OR10Z1: variants seen among roughly 807,000 people sequenced by gnomAD.
OR10Z1 encodes the protein olfactory receptor family 10 subfamily Z member 1.
For synonymous variants in OR10Z1, 187 were observed against 151.2 expected (o/e 1.24, Z -1.74); for missense variants, 468 against 371.0 (o/e 1.26, Z -2.15).
rs1649189942 is a variant in OR10Z1 at position 158,610,562 on chromosome 1, G to GAA, written c.*3184_*3185dup. On this transcript the variant is annotated 3_prime_UTR_variant, in exon 2 of 2. Transcript: ENST00000641002. ...AAATACGGGAGCTTGGAGGACAAGA[G>GAA]AAAGCCCTGCTATGCTGGAATTTTG... 1 of 151,976 alleles carries GAA rather than the reference G, an allele frequency of 6.6e-6. No individual in the cohort carries two copies. The highest frequency in any genetic ancestry group is 6.6e-5 in the Admixed American group (1 of 15,238). The allele number at this position is 151,976 out of a possible 1,614,324, so 9.4% of individuals were successfully genotyped here. A position where few individuals can be genotyped will look rare whatever the true frequency, so the allele number is the denominator to read the frequency against.
Position 158,610,160 on chromosome 1 carries a change from A to T in OR10Z1, c.*2780A>T, listed in dbSNP as rs1455553370. The T allele has an allele frequency of 6.6e-6, 1 of 152,190 alleles. No individual in the cohort carries two copies. The highest frequency in any genetic ancestry group is 1.9e-4 in the East Asian group (1 of 5,198). The allele number at this position is 152,190 out of a possible 1,614,324, so 9.4% of individuals were successfully genotyped here. ...CTTTAACCAACTTTTTGTTTAAAAA[A>T]GGCTCCTATGACAGGATTTGTCCTG... On this transcript the variant is annotated 3_prime_UTR_variant, in exon 2 of 2. Transcript: ENST00000641002.
At position 158,610,066 on chromosome 1, in the gene OR10Z1, T is replaced by A. The variant is rs549728939; in HGVS notation, c.*2686T>A. 1 of 152,334 alleles carries A rather than the reference T, an allele frequency of 6.6e-6. No homozygotes were observed. The highest frequency in any genetic ancestry group is 1.9e-4 in the East Asian group (1 of 5,186). 9.4% of individuals were successfully genotyped at this position (152,334 alleles called of 1,614,324 possible). A position where few individuals can be genotyped will look rare whatever the true frequency, so the allele number is the denominator to read the frequency against. On this transcript the variant is annotated 3_prime_UTR_variant, in exon 2 of 2. Coordinates refer to ENST00000641002, the MANE Select transcript of OR10Z1 (RefSeq NM_001004478.2). ...ACTTTCTGCTTGTTATATTCCATAG[T>A]ATTTGACTATTTAAGAAAAGAATCA...
In OR10Z1 at chr1:158,606,466, A is replaced by T; in HGVS notation, c.28A>T (p.Arg10Trp). 1 of 1,613,648 alleles carries T rather than the reference A, an allele frequency of 6.2e-7. No individual in the cohort carries two copies. The highest frequency in any genetic ancestry group is 8.5e-7 in the Non-Finnish European group (1 of 1,179,698). MGQTNVTSW[R>W]DFVFLGFSSS... ...GGGGCAGACCAACGTAACCTCCTGG[A>T]GGGATTTTGTCTTCCTGGGCTTCTC... Residue 10 changes from arginine to tryptophan, a missense_variant, in exon 2 of 2, where the codon AGG becomes TGG. By Grantham distance (101) the Arg-to-Trp change is moderately radical (BLOSUM62 -3). Transcript: ENST00000641002.
rs748316006 is a variant in OR10Z1 at position 158,611,419 on chromosome 1, T to C, written c.*4039T>C. 4.3e-6 allele frequency: 7 copies of C among 1,612,320 alleles called. No homozygotes were observed. The South Asian group carries it at 6.6e-5, about 15-fold the overall frequency. ...AAAGTATAAAAAGAGAAAAATACAGTTATAGGGATTCAAAATAGCTGGTTC... is the reference window on the plus strand; with the variant it reads ...AAAGTATAAAAAGAGAAAAATACAGCTATAGGGATTCAAAATAGCTGGTTC... On this transcript the variant is annotated 3_prime_UTR_variant, in exon 2 of 2. Coordinates refer to ENST00000641002, the MANE Select transcript of OR10Z1 (RefSeq NM_001004478.2).
In OR10Z1 at chr1:158,611,314, G is replaced by A; in HGVS notation, c.*3934G>A. On this transcript the variant is annotated 3_prime_UTR_variant, in exon 2 of 2. Coordinates refer to ENST00000641002, the MANE Select transcript of OR10Z1 (RefSeq NM_001004478.2). Reference sequence around the variant, plus strand: ...AAGCCAACGTAGTCATAGCCAGAGAGATGGCTTCGACCCCGTGGGTCCATA... The same window carrying A: ...AAGCCAACGTAGTCATAGCCAGAGAAATGGCTTCGACCCCGTGGGTCCATA... 1 of 1,613,868 alleles carries A rather than the reference G, an allele frequency of 6.2e-7. No homozygotes were observed. Among genetic ancestry groups the A allele is most frequent in the South Asian group, 1.1e-5 (1 of 91,082 alleles).
chr1:158,608,412 T>C lies in OR10Z1; in HGVS notation c.*1032T>C, dbSNP rs893256392. On this transcript the variant is annotated 3_prime_UTR_variant, in exon 2 of 2. Transcript: ENST00000641002. ...AACTTACTAGCTGTGTGACTCTAGG[T>C]AAGTTATTTAACATTTTTTTCAGCT... 1 of 151,936 alleles carries C rather than the reference T, an allele frequency of 6.6e-6. No individual in the cohort carries two copies. Among genetic ancestry groups the C allele is most frequent in the Non-Finnish European group, 1.5e-5 (1 of 68,014 alleles). 9.4% of individuals were successfully genotyped at this position (151,936 alleles called of 1,614,324 possible). A position where few individuals can be genotyped will look rare whatever the true frequency, so the allele number is the denominator to read the frequency against.
At position 158,606,417 on chromosome 1, in the gene OR10Z1, T is replaced by C. The variant is rs1315076994; in HGVS notation, c.-22T>C. On this transcript the variant is annotated 5_prime_UTR_variant, in exon 2 of 2. Transcript: ENST00000641002. ...GCAAGGTGGAAGAAATCAACAAATCTATCAGGGATATACCTCTCAGAATGG... is the reference window on the plus strand; with the variant it reads ...GCAAGGTGGAAGAAATCAACAAATCCATCAGGGATATACCTCTCAGAATGG... 6.7e-7 allele frequency: 1 copy of C among 1,492,768 alleles called. No individual in the cohort carries two copies. Among genetic ancestry groups the C allele is most frequent in the Non-Finnish European group, 9.2e-7 (1 of 1,086,206 alleles). The allele number at this position is 1,492,768 out of a possible 1,614,324, so 92.5% of individuals were successfully genotyped here. A position where few individuals can be genotyped will look rare whatever the true frequency, so the allele number is the denominator to read the frequency against.
Position 158,612,319 on chromosome 1 carries a change from A to G in OR10Z1, c.*4939A>G, listed in dbSNP as rs1477671507. The G allele has an allele frequency of 1.0e-5, 2 of 193,576 alleles. No homozygotes were observed. The highest frequency in any genetic ancestry group is 2.1e-5 in the Non-Finnish European group (2 of 93,642). The allele number at this position is 193,576 out of a possible 1,614,324, so 12.0% of individuals were successfully genotyped here. On this transcript the variant is annotated 3_prime_UTR_variant, in exon 2 of 2. Transcript: ENST00000641002. The stretch of plus-strand genomic sequence containing the variant: ...TTTCCCTGATGCAAGTATTTTAAGG[A>G]GAGGAATGAAGAAAGCTCTTGGAAT...
chr1:158,608,260 C>A lies in OR10Z1; in HGVS notation c.*880C>A, dbSNP rs1046347112. The stretch of plus-strand genomic sequence containing the variant: ...GGATACTGTTCTTTTGAATCTATTG[C>A]AGAACTATCTATTCTGCCTATTCCA... On this transcript the variant is annotated 3_prime_UTR_variant, in exon 2 of 2. Coordinates refer to ENST00000641002, the MANE Select transcript of OR10Z1 (RefSeq NM_001004478.2). 1 of 152,078 alleles carries A rather than the reference C, an allele frequency of 6.6e-6. No homozygotes were observed. Among genetic ancestry groups the A allele is most frequent in the Non-Finnish European group, 1.5e-5 (1 of 68,014 alleles). The allele number at this position is 152,078 out of a possible 1,614,324, so 9.4% of individuals were successfully genotyped here.
chr1:158,610,484 TTAC>T lies in OR10Z1; in HGVS notation c.*3106_*3108del, dbSNP rs1342738442. 1 of 152,136 alleles carries T rather than the reference TTAC, an allele frequency of 6.6e-6. No individual in the cohort carries two copies. The highest frequency in any genetic ancestry group is 1.5e-5 in the Non-Finnish European group (1 of 68,024). The allele number at this position is 152,136 out of a possible 1,614,324, so 9.4% of individuals were successfully genotyped here. On this transcript the variant is annotated 3_prime_UTR_variant, in exon 2 of 2. Coordinates refer to ENST00000641002, the MANE Select transcript of OR10Z1 (RefSeq NM_001004478.2). ...ATTTTATAAATAATTCTATTAACTGTTACTTTAACAGGATATTGAAGTATTATT... is the reference window on the plus strand; with the variant it reads ...ATTTTATAAATAATTCTATTAACTGTTTTAACAGGATATTGAAGTATTATT...
At position 158,607,489 on chromosome 1, in the gene OR10Z1, A is replaced by C; in HGVS notation, c.*109A>C. 3.8e-6 allele frequency: 3 copies of C among 786,418 alleles called. No individual in the cohort carries two copies. The highest frequency in any genetic ancestry group is 2.6e-5 in the Admixed American group (1 of 39,140). The allele number at this position is 786,418 out of a possible 1,614,324, so 48.7% of individuals were successfully genotyped here. On this transcript the variant is annotated 3_prime_UTR_variant, in exon 2 of 2. Transcript: ENST00000641002. ...TCAGGCCAAAGCTGTCCTACCCCCA[A>C]TCTTCTGGGAAAGCCTTATCCTGCC...
chr1:158,610,905 C>CA lies in OR10Z1; in HGVS notation c.*3531dup, dbSNP rs1030646704. The CA allele has an allele frequency of 3.4e-5, 7 of 208,344 alleles. No homozygotes were observed. The highest frequency in any genetic ancestry group is 1.4e-4 in the African/African-American group (6 of 42,558). 12.9% of individuals were successfully genotyped at this position (208,344 alleles called of 1,614,324 possible). A position where few individuals can be genotyped will look rare whatever the true frequency, so the allele number is the denominator to read the frequency against. ...CTCAACATTTTACTTAACTTTGCCCCAAAAAATATTTTTAAAAAGAATTAC... is the reference window on the plus strand; with the variant it reads ...CTCAACATTTTACTTAACTTTGCCCCAAAAAAATATTTTTAAAAAGAATTAC... On this transcript the variant is annotated 3_prime_UTR_variant, in exon 2 of 2. Coordinates refer to ENST00000641002, the MANE Select transcript of OR10Z1 (RefSeq NM_001004478.2).
At position 158,606,855 on chromosome 1, in the gene OR10Z1, C is replaced by T; in HGVS notation, c.417C>T (p.Thr139=). ...PLHYASHMNP[T]LCAQLVITSF... ...ACTATGCCAGCCACATGAATCCTAC[C>T]CTCTGTGCCCAGCTGGTCATTACTT... is the stretch of plus-strand genomic sequence containing the variant. Residue 139 remains threonine (T), a synonymous_variant, in exon 2 of 2, where the codon ACC becomes ACT. Transcript: ENST00000641002. The T allele has an allele frequency of 1.2e-6, 2 of 1,614,018 alleles. No homozygotes were observed. Among genetic ancestry groups the T allele is most frequent in the Non-Finnish European group, 1.7e-6 (2 of 1,179,976 alleles).
In OR10Z1 at chr1:158,612,098, T is replaced by C. The variant is rs1649290974; in HGVS notation, c.*4718T>C. The stretch of plus-strand genomic sequence containing the variant: ...GTATGTGACCCTTTGTAATCTGGTT[T>C]CTGCTTAATTGTTTTCCCTTTCACT... On this transcript the variant is annotated 3_prime_UTR_variant, in exon 2 of 2. Transcript: ENST00000641002. The C allele has an allele frequency of 6.5e-6, 1 of 154,422 alleles. No individual in the cohort carries two copies. The highest frequency in any genetic ancestry group is 1.4e-5 in the Non-Finnish European group (1 of 69,616). 9.6% of individuals were successfully genotyped at this position (154,422 alleles called of 1,614,324 possible). A position where few individuals can be genotyped will look rare whatever the true frequency, so the allele number is the denominator to read the frequency against.
rs553213918 is a variant in OR10Z1 at position 158,609,511 on chromosome 1, G to C, written c.*2131G>C. ...CTAAATGCACAGTGACGAATGGTTAGTAAGGATGTTTCAAGTATTGCTAAG... is the reference window on the plus strand; with the variant it reads ...CTAAATGCACAGTGACGAATGGTTACTAAGGATGTTTCAAGTATTGCTAAG... On this transcript the variant is annotated 3_prime_UTR_variant, in exon 2 of 2. Coordinates refer to ENST00000641002, the MANE Select transcript of OR10Z1 (RefSeq NM_001004478.2). 2.0e-5 allele frequency: 3 copies of C among 152,160 alleles called. No individual in the cohort carries two copies. Among genetic ancestry groups the C allele is most frequent in the African/African-American group, 7.2e-5 (3 of 41,442 alleles). The allele number at this position is 152,160 out of a possible 1,614,324, so 9.4% of individuals were successfully genotyped here. A position where few individuals can be genotyped will look rare whatever the true frequency, so the allele number is the denominator to read the frequency against.
In OR10Z1 at chr1:158,606,507, G is replaced by A. The variant is rs937462582; in HGVS notation, c.69G>A (p.Leu23=). The change falls in exon 2 of 2, where the codon TTG becomes TTA. Residue 23 remains leucine, a synonymous_variant. Coordinates refer to ENST00000641002, the MANE Select transcript of OR10Z1 (RefSeq NM_001004478.2). The part of the protein sequence containing the change: ...VFLGFSSSGE[L]QLLLFALFLS... ...TGGGCTTCTCCAGTTCTGGGGAGTT[G>A]CAGCTCCTTCTCTTTGCCTTGTTCC... 2.5e-6 allele frequency: 4 copies of A among 1,613,978 alleles called. No individual in the cohort carries two copies. The highest frequency in any genetic ancestry group is 3.4e-6 in the Non-Finnish European group (4 of 1,179,916).
At position 158,606,966 on chromosome 1, in the gene OR10Z1, C is replaced by CT. The variant is rs755391413; in HGVS notation, c.535dup (p.Cys179LeufsTer2). On this transcript the variant is annotated frameshift_variant, in exon 2 of 2. Transcript: ENST00000641002. LOFTEE classifies it low-confidence loss of function (END_TRUNC). The stretch of plus-strand genomic sequence containing the variant: ...TCTGCAGCTCCCATGAAATCCAGCA[C>CT]TTTTTTTGTGACACGCCACCTGTGC... 1.2e-6 allele frequency: 2 copies of CT among 1,614,080 alleles called. No homozygotes were observed. The highest frequency in any genetic ancestry group is 1.1e-5 in the South Asian group (1 of 91,082).
chr1:158,606,485 GCTT>G lies in OR10Z1; in HGVS notation c.50_52del (p.Phe17del). 6.2e-7 allele frequency: 1 copy of G among 1,613,884 alleles called. No individual in the cohort carries two copies. Among genetic ancestry groups the G allele is most frequent in the Non-Finnish European group, 8.5e-7 (1 of 1,179,886 alleles). On this transcript the variant is annotated inframe_deletion, in exon 2 of 2. Transcript: ENST00000641002. ...TCCTGGAGGGATTTTGTCTTCCTGG[GCTT>G]CTCCAGTTCTGGGGAGTTGCAGCTC...
At position 158,607,004 on chromosome 1, in the gene OR10Z1, G is replaced by A; in HGVS notation, c.566G>A (p.Cys189Tyr). The A allele has an allele frequency of 6.2e-7, 1 of 1,614,064 alleles. No homozygotes were observed. Residue 189 changes from cysteine to tyrosine, a missense_variant, in exon 2 of 2, where the codon TGT (cysteine) becomes TAT (tyrosine). Cys to Tyr is a radical substitution (Grantham distance 194, BLOSUM62 -2). Coordinates refer to ENST00000641002, the MANE Select transcript of OR10Z1 (RefSeq NM_001004478.2). ...ACGCCACCTGTGCTGAGCCTAGCCT[G>A]TGGAGATACAGGCCCGAGTGAGCTG... is the stretch of plus-strand genomic sequence containing the variant. ...CDTPPVLSLA[C>Y]GDTGPSELRI...
Sources: gnomAD v4.1 joint callset for allele counts on GRCh38, gnomAD v4.1.1 for gene constraint, MANE v1.5 for transcripts, NCBI Gene and HGNC (gene_info 2026-07-23, HGNC 2026-07-21) for gene names.